The following RAP1B variants were observed in gnomAD, a reference collection of about 807,000 sequenced individuals.
RAP1B encodes the protein ras-related protein Rap-1b.
In RAP1B, 1 loss-of-function variant was observed where a neutral mutation model predicts 27.5. The observed-to-expected ratio is 0.04, with a 90% CI of 0.01 to 0.17. The LOEUF (loss-of-function observed/expected upper bound fraction) is 0.17. Ranked by LOEUF, RAP1B falls within the 10% of genes least tolerant of loss-of-function variation. The pLI is 1.00. For synonymous variants in RAP1B, 75 were observed against 73.1 expected (o/e 1.03, Z -0.13); for missense variants, 84 against 214.8 (o/e 0.39, Z 3.81).
chr12:68,620,886 CTGGTT>C (rs1871342649), intron 1 of RAP1B, among the ~76,000 whole-genome samples: 1 of 152,154 alleles, frequency 6.6e-6, no homozygotes, highest in Non-Finnish European at 1.5e-5. Context: ...CCGCACCGGT[CTGGTT>C]CCACATTTTA....
At chr12:68,644,215 A>G (rs1344486569) in intron 1 of RAP1B, among the ~76,000 whole-genome samples, 1 of 152,238 alleles carries the variant, frequency 6.6e-6, no homozygotes, top group Non-Finnish European at 1.5e-5. Flanking sequence ...AAATGATTCA[A>G]AATACTGATG....
rs1351091513 is a variant in RAP1B at position 68,671,805 on chromosome 12, AAAG to A, written c.*12557_*12559del. ...TAACATTTTCTGGAATATAAAAAAA[AAAG>A]CTATATGAATGTCATCATTATATGT... is the stretch of plus-strand genomic sequence containing the variant. On this transcript the variant is annotated 3_prime_UTR_variant, in exon 8 of 8. Transcript: ENST00000250559. The A allele has an allele frequency of 2.0e-5, 3 of 152,218 alleles. No individual in the cohort carries two copies. The highest frequency in any genetic ancestry group is 6.5e-5 in the Admixed American group (1 of 15,272). The allele number at this position is 152,218 out of a possible 1,614,324, so 9.4% of individuals were successfully genotyped here.
chr12:68,636,028 G>A (rs760949526), intron 1 of RAP1B, among the ~76,000 whole-genome samples: 12 of 151,360 alleles, frequency 7.9e-5, no homozygotes, highest in Non-Finnish European at 1.5e-4. Flanking sequence ...ACAAGCGCCC[G>A]CCACCACATT....
intron 1 of RAP1B, among the ~76,000 whole-genome samples, chr12:68,646,066 GA>G (rs1350163660): frequency 1.3e-5 from 2 of 152,132 alleles, no homozygotes; most frequent in Non-Finnish European, 2.9e-5. Context: ...AAGCAGCTGG[GA>G]AAAAGAGTCC....
intron 2 of RAP1B, 51 bp from the exon 3 acceptor site, chr12:68,650,349 G>A: frequency 7.2e-7 from 1 of 1,389,598 alleles, no homozygotes; most frequent in Non-Finnish European, 9.6e-7. Flanking sequence ...ATTAAAGATT[G>A]AATGTACTCT....
intron 1 of RAP1B, among the ~76,000 whole-genome samples, chr12:68,625,584 C>T (rs1323762712): frequency 1.3e-5 from 2 of 152,122 alleles, no homozygotes; most frequent in Non-Finnish European, 2.9e-5. Flanking sequence ...TATAATCATG[C>T]AGATTACGAA....
rs1003075807 is a variant in RAP1B at position 68,663,837 on chromosome 12, G to A, written c.*4588G>A. 1 of 152,138 alleles carries A rather than the reference G, an allele frequency of 6.6e-6. No homozygotes were observed. The highest frequency in any genetic ancestry group is 1.5e-5 in the Non-Finnish European group (1 of 68,026). 9.4% of individuals were successfully genotyped at this position (152,138 alleles called of 1,614,324 possible). On this transcript the variant is annotated 3_prime_UTR_variant, in exon 8 of 8. Coordinates refer to ENST00000250559, the MANE Select transcript of RAP1B (RefSeq NM_001010942.3). ...GGTACAGCAGGGATTTTCTGCCCAC[G>A]TGGGGAAAACACACAGCAAATGAAC...
intron 1 of RAP1B, among the ~76,000 whole-genome samples, chr12:68,640,081 C>T (rs1233780479): frequency 6.6e-6 from 1 of 152,072 alleles, no homozygotes; most frequent in Non-Finnish European, 1.5e-5. Context: ...CCTCGTGATC[C>T]ACCCACCTCA....
chr12:68,657,162 A>G lies in RAP1B; in HGVS notation c.530A>G (p.Lys177Arg), dbSNP rs1278100766. ...ACTCCAGTGCCTGGGAAGGCTCGCA[A>G]AAAGTCATCATGTCAGCTGCTTTAA... The part of the protein sequence containing the change: ...RKTPVPGKAR[K>R]KSSCQLL Residue 177 changes from lysine to arginine, a missense_variant, in exon 7 of 8, where the codon AAA (lysine) becomes AGA (arginine). Physicochemically the swap from Lys to Arg is conservative, Grantham distance 26. Coordinates refer to ENST00000250559, the MANE Select transcript of RAP1B (RefSeq NM_001010942.3). 3.7e-6 allele frequency: 6 copies of G among 1,612,594 alleles called. No individual in the cohort carries two copies. In the Admixed American group the frequency reaches 6.7e-5, roughly 18 times the overall value.
intron 1 of RAP1B, among the ~76,000 whole-genome samples, chr12:68,615,987 G>T (rs1317788915): frequency 1.3e-5 from 2 of 150,492 alleles, no homozygotes; most frequent in Non-Finnish European, 3.0e-5. Context: ...TTTTTGAGAT[G>T]GAGTCCCACT....
At chr12:68,632,623 T>A (rs1219928264) in intron 1 of RAP1B, among the ~76,000 whole-genome samples, 1 of 152,044 alleles carries the variant, frequency 6.6e-6, no homozygotes, top group African/African-American at 2.4e-5. Flanking sequence ...GACTCTTCAG[T>A]AGGTTTGGTT....
At chr12:68,652,321 C>T (rs1873871534) in intron 4 of RAP1B, among the ~76,000 whole-genome samples, 1 of 151,966 alleles carries the variant, frequency 6.6e-6, no homozygotes, top group Admixed American at 6.6e-5. Flanking sequence ...TGGTGGGAGC[C>T]TGTAATCCCA....
intron 1 of RAP1B, among the ~76,000 whole-genome samples, chr12:68,619,165 T>A (rs1476815457): frequency 1.3e-5 from 2 of 152,240 alleles, no homozygotes; most frequent in African/African-American, 4.8e-5. Flanking sequence ...GGAAAGTATT[T>A]GTGTGATTGA....
At chr12:68,625,359 A>T (rs1871678917) in intron 1 of RAP1B, among the ~76,000 whole-genome samples, 1 of 152,238 alleles carries the variant, frequency 6.6e-6, no homozygotes, top group African/African-American at 2.4e-5. Flanking sequence ...TTTATAACAC[A>T]ATTAGCTGCA....
At chr12:68,650,048 G>A (rs1196834863) in intron 2 of RAP1B, 2 of 161,196 alleles carry the variant, frequency 1.2e-5, no homozygotes, top group African/African-American at 4.8e-5. Flanking sequence ...GGGAGGCAGA[G>A]GTTGCAGTGA....
rs775363184 is a variant in RAP1B, at chr12:68,665,292, ATGG to A, written c.*6045_*6047del. 38 of 152,324 alleles carry A rather than the reference ATGG, an allele frequency of 2.5e-4. No homozygotes were observed. Among genetic ancestry groups the A allele is most frequent in the Non-Finnish European group, 4.4e-4 (30 of 68,044 alleles). The allele number at this position is 152,324 out of a possible 1,614,324, so 9.4% of individuals were successfully genotyped here. A position where few individuals can be genotyped will look rare whatever the true frequency, so the allele number is the denominator to read the frequency against. On this transcript the variant is annotated 3_prime_UTR_variant, in exon 8 of 8. Coordinates refer to ENST00000250559, the MANE Select transcript of RAP1B (RefSeq NM_001010942.3). ...GTGAAAGATAACCCAGAGAGGGGTAATGGTAGAGCCAGAATTAACACAGCCAGC... is the reference window on the plus strand; with the variant it reads ...GTGAAAGATAACCCAGAGAGGGGTAATAGAGCCAGAATTAACACAGCCAGC...
chr12:68,646,583 C>G (rs534249860), intron 1 of RAP1B, among the ~76,000 whole-genome samples: 3 of 152,166 alleles, frequency 2.0e-5, no homozygotes, highest in African/African-American at 7.2e-5. Context: ...CCACTGCGCC[C>G]GGCCCACTAC....
intron 3 of RAP1B, chr12:68,650,847 A>C (rs1873764390): frequency 6.5e-6 from 1 of 153,286 alleles, no homozygotes; most frequent in Non-Finnish European, 1.5e-5. Context: ...CCTCTTGAGA[A>C]AGTGCCACCA....
At position 68,661,634 on chromosome 12, in the gene RAP1B, T is replaced by A. The variant is rs2135977059; in HGVS notation, c.*2385T>A. The A allele has an allele frequency of 6.6e-6, 1 of 151,982 alleles. No individual in the cohort carries two copies. Among genetic ancestry groups the A allele is most frequent in the Middle Eastern group, 3.4e-3 (1 of 294 alleles). 9.4% of individuals were successfully genotyped at this position (151,982 alleles called of 1,614,324 possible). A position where few individuals can be genotyped will look rare whatever the true frequency, so the allele number is the denominator to read the frequency against. The stretch of plus-strand genomic sequence containing the variant: ...TTAATATCTGCCCACTAGATGCCAG[T>A]CACACCACCCCAGCCCCCAAGTTGT... On this transcript the variant is annotated 3_prime_UTR_variant, in exon 8 of 8. Coordinates refer to ENST00000250559, the MANE Select transcript of RAP1B (RefSeq NM_001010942.3).
Sources: gnomAD v4.1 joint callset for allele counts (sites outside exome capture counted in the v4.1 genomes callset) on GRCh38, gnomAD v4.1.1 for gene constraint, MANE v1.5 for transcripts, NCBI Gene and HGNC (gene_info 2026-07-23, HGNC 2026-07-21) for gene names.